Variants in LRRC37A2 observed in about 807,000 individuals in gnomAD.
LRRC37A2 encodes the protein leucine rich repeat containing 37 member A2, also known as leucine-rich repeat-containing protein 37A2.
LRRC37A2 carries 9 observed loss-of-function variants against 68.8 expected under a neutral mutation model. The ratio of observed to expected loss-of-function variants is 0.13; its 90% CI spans 0.08 to 0.23. The LOEUF is 0.23. Among genes scored for constraint, LRRC37A2 ranks in the 10% least tolerant of loss-of-function variants. LRRC37A2 has a pLI of 1.00. For missense variants in LRRC37A2, 168 were observed against 950.4 expected (o/e 0.18, Z 10.82); for synonymous variants, 63 against 367.6 (o/e 0.17, Z 9.48).
chr17:46,713,846 T>C, the LRRC37A2 span: 2 of 1,608,516 alleles, frequency 1.2e-6, no homozygotes, highest in Non-Finnish European at 1.7e-6. Flanking sequence ...CTCATATCTT[T>C]ATGCAGGCCC....
chr17:46,497,487 A>G, the LRRC37A2 span, among the ~76,000 whole-genome samples: 4 of 138,038 alleles, frequency 2.9e-5, no homozygotes, highest in Non-Finnish European at 4.7e-5. Flanking sequence ...ATTACAAAAT[A>G]TATACCTAAC....
chr17:46,992,198 CTAAATAAA>C, the LRRC37A2 span, among the ~76,000 whole-genome samples: 1 of 143,778 alleles, frequency 7.0e-6, no homozygotes, highest in African/African-American at 2.6e-5. Context: ...CCCATCTCTA[CTAAATAAA>C]TAAATAAATA....
chr17:46,827,106 C>T, the LRRC37A2 span, among the ~76,000 whole-genome samples: 1 of 152,170 alleles, frequency 6.6e-6, no homozygotes, highest in Non-Finnish European at 1.5e-5. Context: ...TTCTGGAAGA[C>T]AGGCTTCTGT....
the LRRC37A2 span, among the ~76,000 whole-genome samples, chr17:46,709,129 A>G: frequency 6.6e-6 from 1 of 152,030 alleles, no homozygotes; most frequent in African/African-American, 2.4e-5. Context: ...GGCCTGTTAT[A>G]TATTCTTAAC....
At chr17:46,792,522 G>A in the LRRC37A2 span, among the ~76,000 whole-genome samples, 1 of 152,122 alleles carries the variant, frequency 6.6e-6, no homozygotes, top group East Asian at 1.9e-4. Flanking sequence ...CACCCAGGCT[G>A]GAGTGCAATG....
the LRRC37A2 span, among the ~76,000 whole-genome samples, chr17:46,716,610 A>G: frequency 1.3e-5 from 2 of 152,190 alleles, no homozygotes; most frequent in Non-Finnish European, 1.5e-5. Context: ...ATTTTTTTTC[A>G]GAGCACAAAT....
the LRRC37A2 span, among the ~76,000 whole-genome samples, chr17:46,822,667 T>C: frequency 9.8e-5 from 15 of 152,320 alleles, no homozygotes; most frequent in African/African-American, 3.1e-4. Flanking sequence ...CCTGAGTGAA[T>C]GCCCTTAATC....
chr17:46,822,977 C>T, the LRRC37A2 span, among the ~76,000 whole-genome samples: 1 of 146,328 alleles, frequency 6.8e-6, no homozygotes, highest in Non-Finnish European at 1.5e-5. Context: ...CTCCCCAGGG[C>T]ATTCAGTTTT....
At chr17:46,530,171 C>G (rs1398777885) in intron 6 of LRRC37A2, among the ~76,000 whole-genome samples, 1 of 134,106 alleles carries the variant, frequency 7.5e-6, no homozygotes, top group Non-Finnish European at 1.6e-5. Context: ...AGATTACAGG[C>G]TTGAGATGCT....
the LRRC37A2 span, among the ~76,000 whole-genome samples, chr17:46,983,558 T>C: frequency 5.4e-4 from 82 of 152,090 alleles, no homozygotes; most frequent in Non-Finnish European, 1.1e-3. Context: ...CCTCCCAAAG[T>C]ATTGGGATTA....
chr17:46,874,901 C>T, the LRRC37A2 span: 11 of 798,056 alleles, frequency 1.4e-5, no homozygotes, highest in East Asian at 2.8e-4. Flanking sequence ...TAAATGGCAA[C>T]TTGCAGTCAG....
the LRRC37A2 span, among the ~76,000 whole-genome samples, chr17:46,709,107 G>GA: frequency 6.6e-6 from 1 of 152,036 alleles, no homozygotes; most frequent in Non-Finnish European, 1.5e-5. Flanking sequence ...ACAGGCATGA[G>GA]CCACTGCACC....
chr17:46,851,898 A>G, the LRRC37A2 span, among the ~76,000 whole-genome samples: 2 of 151,950 alleles, frequency 1.3e-5, no homozygotes, highest in East Asian at 1.9e-4. This position sits in a 1 kb window ranked among gnomAD's most constrained non-coding sequence, Gnocchi z 4.3. Context: ...TTCGGTCTCC[A>G]GCTTCCCCGG....
chr17:46,769,434 G>A, the LRRC37A2 span, among the ~76,000 whole-genome samples: 7 of 152,180 alleles, frequency 4.6e-5, no homozygotes, highest in Non-Finnish European at 7.3e-5. Flanking sequence ...TACAAGCATA[G>A]TAAGGGAGTG....
At chr17:46,815,138 G>C in the LRRC37A2 span, among the ~76,000 whole-genome samples, 1 of 152,060 alleles carries the variant, frequency 6.6e-6, no homozygotes, top group African/African-American at 2.4e-5. Context: ...CAGGTGCTGG[G>C]CTAGGCCCTA....
At chr17:46,950,189 G>A in the LRRC37A2 span, among the ~76,000 whole-genome samples, 1 of 152,220 alleles carries the variant, frequency 6.6e-6, no homozygotes, top group African/African-American at 2.4e-5. Context: ...GTTCACGGGG[G>A]CTGAGAGCAG....
At chr17:46,958,363 C>T in the LRRC37A2 span, among the ~76,000 whole-genome samples, 1 of 152,250 alleles carries the variant, frequency 6.6e-6, no homozygotes, top group Non-Finnish European at 1.5e-5. Flanking sequence ...CCACTCCTGA[C>T]AGTTGCAACA....
the LRRC37A2 span, among the ~76,000 whole-genome samples, chr17:46,870,558 C>T: frequency 2.6e-5 from 4 of 152,190 alleles, no homozygotes; most frequent in Non-Finnish European, 4.4e-5. Flanking sequence ...TGTCTCTGCT[C>T]GGAGGTTTCG....
chr17:46,913,086 C>T, the LRRC37A2 span, among the ~76,000 whole-genome samples: 1 of 152,198 alleles, frequency 6.6e-6, no homozygotes, highest in African/African-American at 2.4e-5. Flanking sequence ...AGGGGAGGCA[C>T]TGTATTTGGC....
Sources: allele counts gnomAD v4.1 joint callset (sites outside exome capture counted in the v4.1 genomes callset), GRCh38; gene constraint gnomAD v4.1.1; non-coding constraint Gnocchi (gnomAD v3.1); transcripts MANE v1.5; gene names NCBI Gene and HGNC (gene_info 2026-07-23, HGNC 2026-07-21).